The following RUFY3 variants were observed in gnomAD, a reference collection of about 807,000 sequenced individuals.
The protein encoded by RUFY3 is protein RUFY3.
A neutral mutation model predicts 84.0 loss-of-function variants in RUFY3; 34 were observed. The observed-to-expected ratio is 0.40, with a 90% CI of 0.31 to 0.54. RUFY3 has a LOEUF of 0.54. RUFY3 is among the 20% of genes least tolerant of loss of function. The pLI is 0.39. For synonymous variants in RUFY3, 242 were observed against 252.9 expected, an observed-to-expected ratio of 0.96 and a Z score of 0.41; for missense variants, 507 against 736.8, an observed-to-expected ratio of 0.69 and a Z score of 3.61.
intron 1 of RUFY3, among the ~76,000 whole-genome samples, chr4:70,750,749 G>GTT (rs59809699): frequency 6.6e-6 from 1 of 151,254 alleles, no homozygotes; most frequent in Non-Finnish European, 1.5e-5. Flanking sequence ...TGTCTCTGCA[G>GTT]TTTTTTTTTG....
chr4:70,717,434 G>A (rs756686131), upstream of RUFY3, among the ~76,000 whole-genome samples: 2 of 152,134 alleles, frequency 1.3e-5, no homozygotes, highest in African/African-American at 2.4e-5. Flanking sequence ...CTAAAAGCCT[G>A]AACTTAATAT....
chr4:70,785,557 A>G (rs1443618834), intron 10 of RUFY3, among the ~76,000 whole-genome samples: 1 of 152,052 alleles, frequency 6.6e-6, no homozygotes, highest in African/African-American at 2.4e-5. Flanking sequence ...GGCCAGGCAC[A>G]GTGGCTCACA....
chr4:70,804,761 CAAAAAAAAAA>C (rs1186156048), intron 17 of RUFY3, among the ~76,000 whole-genome samples: 2 of 76,846 alleles, frequency 2.6e-5, no homozygotes, highest in Non-Finnish European at 5.6e-5. Context: ...ACTAAAAATA[CAAAAAAAAAA>C]AAAAAAAAAA....
intron 8 of RUFY3, among the ~76,000 whole-genome samples, chr4:70,782,361 C>T (rs1324511086): frequency 1.3e-5 from 2 of 148,756 alleles, no homozygotes; most frequent in South Asian, 4.2e-4. Context: ...ATCTTGATCT[C>T]GGGTCACTGC....
chr4:70,750,008 T>G (rs1255946279), intron 1 of RUFY3, among the ~76,000 whole-genome samples: 1 of 151,896 alleles, frequency 6.6e-6, no homozygotes, highest in Non-Finnish European at 1.5e-5. Flanking sequence ...AACTTTTTTT[T>G]TTTTTTAAAG....
Position 70,806,760 on chromosome 4 carries a change from A to C in RUFY3, c.*101A>C. ...TAGAGCCCAGTTCTTAGAGTCAACT[A>C]AAGAGTTGATAGGAATTTACTAGGT... On this transcript the variant is annotated 3_prime_UTR_variant, in exon 18 of 18. Transcript: ENST00000381006. The C allele has an allele frequency of 7.2e-7, 1 of 1,398,122 alleles. No individual in the cohort carries two copies. The highest frequency in any genetic ancestry group is 9.8e-7 in the Non-Finnish European group (1 of 1,021,032). The allele number at this position is 1,398,122 out of a possible 1,614,324, so 86.6% of individuals were successfully genotyped here.
chr4:70,776,152 G>A (rs1727930928), intron 7 of RUFY3, among the ~76,000 whole-genome samples: 1 of 152,086 alleles, frequency 6.6e-6, no homozygotes, highest in South Asian at 2.1e-4. Context: ...TGAAACCACA[G>A]ATAGTACCAA....
chr4:70,716,062 C>T (rs1420126848), intron 1 of RUFY3, among the ~76,000 whole-genome samples: 5 of 151,718 alleles, frequency 3.3e-5, no homozygotes, highest in South Asian at 2.1e-4. Context: ...TGCAATGAGC[C>T]GAGATCGTGC....
intron 17 of RUFY3, among the ~76,000 whole-genome samples, chr4:70,805,250 C>T (rs1732720121): frequency 6.6e-6 from 1 of 152,178 alleles, no homozygotes. Context: ...GATATGAGCT[C>T]TCCCTGCTAG....
At chr4:70,729,587 C>T (rs1718880792) in intron 1 of RUFY3, among the ~76,000 whole-genome samples, 1 of 152,070 alleles carries the variant, frequency 6.6e-6, no homozygotes. Flanking sequence ...GGAATATTAA[C>T]GGTAACTACT....
At chr4:70,790,380 C>A (rs1020149555) in intron 12 of RUFY3, among the ~76,000 whole-genome samples, 2 of 152,324 alleles carry the variant, frequency 1.3e-5, no homozygotes, top group South Asian at 2.1e-4. Flanking sequence ...CTGTTTGTCA[C>A]CCTTCTTGCA....
At chr4:70,704,692 G>A (rs1353797410), upstream of RUFY3, 1 of 289,032 alleles carries the variant, frequency 3.5e-6, no homozygotes, top group Admixed American at 5.2e-5. Flanking sequence ...GGGGCTGGAG[G>A]AGGCGGCCGG....
chr4:70,764,399 T>C (rs1345467296), intron 3 of RUFY3, 76 bp from the exon 4 acceptor site: 1 of 984,326 alleles, frequency 1.0e-6, no homozygotes, highest in Non-Finnish European at 1.6e-6. Flanking sequence ...TTAGCAAGAA[T>C]AAGTGAACTG....
chr4:70,753,791 T>C (rs1260378665), intron 1 of RUFY3, among the ~76,000 whole-genome samples: 3 of 152,198 alleles, frequency 2.0e-5, no homozygotes, highest in African/African-American at 7.2e-5. Context: ...TGCTGCTATA[T>C]GTCATTATGA....
chr4:70,776,689 C>T (rs1007974613), intron 7 of RUFY3, among the ~76,000 whole-genome samples: 8 of 152,216 alleles, frequency 5.3e-5, no homozygotes, highest in East Asian at 1.9e-4. Context: ...GGCAGGAGAA[C>T]GGCGTGAACC....
intron 1 of RUFY3, among the ~76,000 whole-genome samples, chr4:70,723,236 T>C (rs1408163832): frequency 1.3e-5 from 2 of 152,328 alleles, no homozygotes; most frequent in African/African-American, 4.8e-5. Flanking sequence ...AAGCAAGTTA[T>C]GACATCTAGG....
Position 70,764,487 on chromosome 4 carries a change from T to C in RUFY3, c.483T>C (p.Gly161=), listed in dbSNP as rs1725512099. 6.2e-7 allele frequency: 1 copy of C among 1,612,336 alleles called. No homozygotes were observed. Among genetic ancestry groups the C allele is most frequent in the Non-Finnish European group, 8.5e-7 (1 of 1,178,632 alleles). The change falls in exon 4 of 18, where the codon GGT becomes GGC. Residue 161 remains glycine, a synonymous_variant. Transcript: ENST00000381006. ...TGTGTTTTTGTAGGACACCAGTAGG[T>C]AGAGGAAGAGCCTGGCTTCGTTTGG... ...KDLPGLKTPV[G]RGRAWLRLAL...
intron 1 of RUFY3, among the ~76,000 whole-genome samples, chr4:70,762,011 G>A (rs573637297): frequency 2.6e-5 from 4 of 152,236 alleles, no homozygotes; most frequent in Admixed American, 1.3e-4. Context: ...AGAGGTGGTG[G>A]TGAGACTATT....
intron 9 of RUFY3, 95 bp downstream of exon 9, chr4:70,783,278 C>T (rs1225499924): frequency 1.4e-5 from 11 of 760,382 alleles, no homozygotes; most frequent in Non-Finnish European, 2.5e-5. Flanking sequence ...AAGCAGCTGG[C>T]CTGTATCAAG....
Sources: gnomAD v4.1 joint callset for allele counts (sites outside exome capture counted in the v4.1 genomes callset) on GRCh38, gnomAD v4.1.1 for gene constraint, MANE v1.5 for transcripts, NCBI Gene and HGNC (gene_info 2026-07-23, HGNC 2026-07-21) for gene names.